Variants in SEL1L observed in about 807,000 individuals in gnomAD.
SEL1L encodes SEL1L adaptor subunit of SYVN1 ubiquitin ligase, also known as protein sel-1 homolog 1.
SEL1L carries 52 observed loss-of-function variants against 109.8 expected under a neutral mutation model. That is an observed-to-expected ratio of 0.47 (90% CI 0.38 to 0.60). The LOEUF is 0.60. Ranked by LOEUF, SEL1L falls within the 20% of genes least tolerant of loss-of-function variation. The pLI, the probability that SEL1L is intolerant of heterozygous loss-of-function variation, is 0.00. For missense variants in SEL1L, 749 were observed against 962.2 expected (o/e 0.78, Z 2.93); for synonymous variants, 373 against 339.6 (o/e 1.10, Z -1.08).
intron 14 of SEL1L, 63 bp from the exon 15 acceptor site, chr14:81,488,005 G>C: frequency 8.0e-7 from 1 of 1,252,582 alleles, no homozygotes; most frequent in Non-Finnish European, 1.1e-6. Flanking sequence ...AAAGTTAAGA[G>C]ATTTATTTAA....
chr14:81,495,723 G>T (rs1051284373), intron 10 of SEL1L, among the ~76,000 whole-genome samples: 1 of 151,984 alleles, frequency 6.6e-6, no homozygotes, highest in Non-Finnish European at 1.5e-5. Context: ...GATCATCTAA[G>T]GTCAGGAGTT....
chr14:81,531,388 G>A (rs1348985954), intron 1 of SEL1L, among the ~76,000 whole-genome samples: 1 of 151,976 alleles, frequency 6.6e-6, no homozygotes, highest in Non-Finnish European at 1.5e-5. Context: ...GGAGAGATGC[G>A]ACCTGCCCTG....
chr14:81,495,110 C>CGTGCAG lies in SEL1L; in HGVS notation c.1150_1155dup (p.Leu384_His385dup). The CGTGCAG allele has an allele frequency of 6.2e-7, 1 of 1,614,082 alleles. No individual in the cohort carries two copies. Among genetic ancestry groups the CGTGCAG allele is most frequent in the Non-Finnish European group, 8.5e-7 (1 of 1,179,984 alleles). ...TGATTCTGTTCTACTCCACGCCCTCCGTGCAGGTGCAGTTGTCCAAGACCA... is the reference window on the plus strand; with the variant it reads ...TGATTCTGTTCTACTCCACGCCCTCCGTGCAGGTGCAGGTGCAGTTGTCCAAGACCA... On this transcript the variant is annotated inframe_insertion, in exon 11 of 21. Transcript: ENST00000336735.
rs920039782 is a variant in SEL1L, at chr14:81,525,151, G to A, written c.340+1582C>T. On this transcript the variant is annotated intron_variant, in intron 3 of 20. Transcript: ENST00000336735. ...GGAAAGAAAAAAAGGGCAAATGTGT[G>A]TAGGGTAGTAAAGATGAAAAGACCA... Among the ~76,000 whole-genome samples, 5 of 152,218 alleles carry A rather than the reference G, an allele frequency of 3.3e-5. No individual in the cohort carries two copies. In the East Asian group the frequency reaches 9.6e-4, roughly 29 times the overall value.
intron 4 of SEL1L, among the ~76,000 whole-genome samples, chr14:81,505,680 G>A (rs971963642): frequency 6.6e-6 from 1 of 152,024 alleles, no homozygotes; most frequent in Non-Finnish European, 1.5e-5. Context: ...TGTTACCTTG[G>A]TATAGCATAT....
chr14:81,479,454 CCT>C, intron 20 of SEL1L, 156 bp downstream of exon 20: 1 of 550,914 alleles, frequency 1.8e-6, no homozygotes, highest in Non-Finnish European at 2.9e-6. Context: ...TTATCCCTCC[CCT>C]GATAAGGTCC....
chr14:81,501,211 A>G (rs893169887), intron 6 of SEL1L, among the ~76,000 whole-genome samples: 1 of 152,208 alleles, frequency 6.6e-6, no homozygotes, highest in South Asian at 2.1e-4. Flanking sequence ...CCAACAGGAG[A>G]GCTACATCAA....
chr14:81,493,796 T>A (rs1283077898), intron 11 of SEL1L, among the ~76,000 whole-genome samples: 1 of 152,180 alleles, frequency 6.6e-6, no homozygotes, highest in Non-Finnish European at 1.5e-5. Context: ...ACTCCACCTT[T>A]CTCTGCAACA....
intron 5 of SEL1L, 98 bp from the exon 6 acceptor site, chr14:81,502,981 T>C: frequency 1.0e-6 from 1 of 980,784 alleles, no homozygotes; most frequent in East Asian, 2.6e-5. Context: ...AATTTCCTTA[T>C]GTTACAAAAC....
intron 11 of SEL1L, among the ~76,000 whole-genome samples, chr14:81,493,808 T>G (rs1883637217): frequency 6.6e-6 from 1 of 152,212 alleles, no homozygotes; most frequent in Non-Finnish European, 1.5e-5. Context: ...TCTGCAACAT[T>G]TGGCAGAGTC....
chr14:81,518,031 C>T (rs946389336), intron 3 of SEL1L, among the ~76,000 whole-genome samples: 7 of 152,060 alleles, frequency 4.6e-5, no homozygotes, highest in South Asian at 2.1e-4. Context: ...CAGGCTCAAG[C>T]GATTCTCATG....
At chr14:81,500,157 C>T (rs1191035851) in intron 6 of SEL1L, among the ~76,000 whole-genome samples, 3 of 151,976 alleles carry the variant, frequency 2.0e-5, no homozygotes, top group East Asian at 1.9e-4. Context: ...GTGATCCACC[C>T]GCCTCAGCCT....
intron 16 of SEL1L, 140 bp from the exon 17 acceptor site, chr14:81,486,594 G>T (rs1286546129): frequency 3.0e-6 from 2 of 665,616 alleles, no homozygotes; most frequent in Non-Finnish European, 2.4e-6. Flanking sequence ...AGACATAAAA[G>T]TTTGAGATAC....
At position 81,497,997 on chromosome 14, in the gene SEL1L, C is replaced by T. The variant is rs1197224709; in HGVS notation, c.1023G>A (p.Arg341=). ...CTGGATTTTCCACTTCATCAGGCAGCCGTATTCTCTGTACTACTGAGCCTC... is the reference window on the plus strand; with the variant it reads ...CTGGATTTTCCACTTCATCAGGCAGTCGTATTCTCTGTACTACTGAGCCTC... The part of the protein sequence containing the change: ...LTGGSVVQRI[R]LPDEVENPGM... Residue 341 remains arginine (R), a synonymous_variant, in exon 10 of 21, where the codon CGG becomes CGA. Transcript: ENST00000336735. 6.2e-7 allele frequency: 1 copy of T among 1,613,866 alleles called. No homozygotes were observed. Among genetic ancestry groups the T allele is most frequent in the African/African-American group, 1.3e-5 (1 of 74,894 alleles).
intron 19 of SEL1L, 123 bp downstream of exon 19, chr14:81,484,102 G>T: frequency 3.1e-6 from 3 of 961,596 alleles, no homozygotes; most frequent in South Asian, 1.6e-5. Context: ...TTACAAATCA[G>T]TCCCATAATT....
chr14:81,484,629 G>A (rs1903463128), intron 18 of SEL1L: 1 of 401,896 alleles, frequency 2.5e-6, no homozygotes, highest in Non-Finnish European at 4.6e-6. Flanking sequence ...AAACCAAGTT[G>A]GTGTGTGTGT....
rs769983528 is a variant in SEL1L, at chr14:81,499,676, TA to T, written c.778-15del. ...AAAGCCAAGAGCCTGAAATAGATGA[TA>T]AAAGTAAGAAATCTTGCTTTGGTGA... On this transcript the variant is annotated splice_polypyrimidine_tract_variant and intron_variant, in intron 6 of 20. Transcript: ENST00000336735. 6.3e-7 allele frequency: 1 copy of T among 1,597,454 alleles called. No homozygotes were observed. Among genetic ancestry groups the T allele is most frequent in the Non-Finnish European group, 8.5e-7 (1 of 1,175,522 alleles).
At chr14:81,482,234 C>T (rs77414197) in intron 19 of SEL1L, among the ~76,000 whole-genome samples, 2,640 of 152,124 alleles carry the variant, frequency 0.017, 32 homozygotes, top group Middle Eastern at 0.02. Context: ...AATTAGAACA[C>T]ATTTTCTTGT....
At chr14:81,505,400 TA>T (rs1364942283) in intron 4 of SEL1L, among the ~76,000 whole-genome samples, 1 of 152,136 alleles carries the variant, frequency 6.6e-6, no homozygotes, top group Non-Finnish European at 1.5e-5. Context: ...TCTTATAATA[TA>T]AAAAAATTCT....
Sources: gnomAD v4.1 joint callset for allele counts (sites outside exome capture counted in the v4.1 genomes callset) on GRCh38, gnomAD v4.1.1 for gene constraint, MANE v1.5 for transcripts, NCBI Gene and HGNC (gene_info 2026-07-23, HGNC 2026-07-21) for gene names.